The following RSF1 variants were observed in gnomAD, a reference collection of about 807,000 sequenced individuals.
RSF1 encodes the protein remodeling and spacing factor 1, also known as HBV pX-associated protein 8.
Under a neutral mutation model 145.2 loss-of-function variants are expected in RSF1, and 13 were observed. That is an observed-to-expected ratio of 0.09 (90% CI 0.06 to 0.14). RSF1 has a LOEUF of 0.14. Ranked by LOEUF, RSF1 falls within the 10% of genes least tolerant of loss-of-function variation. The pLI, the probability that RSF1 is intolerant of heterozygous loss-of-function variation, is 1.00. For synonymous variants in RSF1, 577 were observed against 592.6 expected (o/e 0.97, Z 0.38); for missense variants, 1,517 against 1,718.2 (o/e 0.88, Z 2.07).
intron 1 of RSF1, among the ~76,000 whole-genome samples, chr11:77,789,542 C>T (rs535868383): frequency 2.0e-5 from 3 of 152,240 alleles, no homozygotes; most frequent in Non-Finnish European, 2.9e-5. Context: ...ACAGCTGAGG[C>T]GCGAGCACCC....
At chr11:77,858,555 T>C in the RSF1 span, among the ~76,000 whole-genome samples, 1 of 152,122 alleles carries the variant, frequency 6.6e-6, no homozygotes, top group South Asian at 2.1e-4. Context: ...AAGGTGGATG[T>C]GGTCACCTTC....
Position 77,735,015 on chromosome 11 carries a change from C to G in RSF1, c.578+5716G>C, listed in dbSNP as rs1042244704. The G allele has an allele frequency of 2.5e-6, 4 of 1,576,822 alleles. No homozygotes were observed. The Admixed American group carries it at 6.7e-5, about 26-fold the overall frequency. On this transcript the variant is annotated intron_variant, in intron 4 of 15. Coordinates refer to ENST00000308488, the MANE Select transcript of RSF1 (RefSeq NM_016578.4). ...AGTTCTGGCGCACCTGTGAGGTGGA[C>G]GTGGTCCTCATGGCGGCGACTAAGG...
chr11:77,758,670 A>C (rs1280363804), intron 2 of RSF1, among the ~76,000 whole-genome samples: 5 of 152,216 alleles, frequency 3.3e-5, no homozygotes, highest in Non-Finnish European at 5.9e-5. Flanking sequence ...TACGGTTTTG[A>C]ATCACATTTC....
intron 1 of RSF1, among the ~76,000 whole-genome samples, chr11:77,786,262 T>C (rs1460119175): frequency 6.6e-6 from 1 of 152,170 alleles, no homozygotes; most frequent in Non-Finnish European, 1.5e-5. Flanking sequence ...AGAGATTTAG[T>C]CTACCAAACT....
chr11:77,730,019 T>C (rs766914887), intron 4 of RSF1, among the ~76,000 whole-genome samples: 10 of 151,718 alleles, frequency 6.6e-5, no homozygotes, highest in Non-Finnish European at 1.5e-4. Flanking sequence ...GAGCACTATG[T>C]TCCAAGCATT....
At chr11:77,674,977 C>A in intron 14 of RSF1, 59 bp downstream of exon 14, 1 of 1,398,512 alleles carries the variant, frequency 7.2e-7, no homozygotes, top group South Asian at 1.4e-5. Flanking sequence ...CCAGCATGAG[C>A]AACAAGAAAA....
intron 14 of RSF1, among the ~76,000 whole-genome samples, chr11:77,672,592 A>G (rs1257026262): frequency 1.3e-5 from 2 of 152,076 alleles, no homozygotes; most frequent in African/African-American, 4.8e-5. Flanking sequence ...AAAAAAAAAA[A>G]ATGACTCAAT....
At chr11:77,692,771 G>A (rs548956152) in intron 8 of RSF1, among the ~76,000 whole-genome samples, 15 of 151,374 alleles carry the variant, frequency 9.9e-5, no homozygotes, top group South Asian at 4.2e-4. Context: ...TCTGTCTCCC[G>A]GGTTCAATCG....
chr11:77,665,778 A>C lies in RSF1; in HGVS notation c.*1139T>G, dbSNP rs1276850959. On this transcript the variant is annotated 3_prime_UTR_variant, in exon 16 of 16. Transcript: ENST00000308488. ...CCAACACACACACACACGCACACGC[A>C]CACACACAAACACACACACACGCTA... 9.7e-6 allele frequency: 1 copy of C among 103,596 alleles called. No homozygotes were observed. The highest frequency in any genetic ancestry group is 1.8e-5 in the Non-Finnish European group (1 of 55,028). 6.4% of individuals were successfully genotyped at this position (103,596 alleles called of 1,614,324 possible). A position where few individuals can be genotyped will look rare whatever the true frequency, so the allele number is the denominator to read the frequency against.
the RSF1 span, among the ~76,000 whole-genome samples, chr11:77,832,728 G>T: frequency 4.6e-5 from 7 of 150,622 alleles, no homozygotes; most frequent in Admixed American, 4.6e-4. Context: ...CTACTCCCCA[G>T]TTTTCCCCAT....
At position 77,690,827 on chromosome 11, in the gene RSF1, T is replaced by G. The variant is rs575731898; in HGVS notation, c.2900+332A>C. ...TAAGGTCTCTGTTCCAACTACTCAATGCTGCTGTCACAGGGCAAAAGTAGC... is the reference window on the plus strand; with the variant it reads ...TAAGGTCTCTGTTCCAACTACTCAAGGCTGCTGTCACAGGGCAAAAGTAGC... On this transcript the variant is annotated intron_variant, in intron 9 of 15. Coordinates refer to ENST00000308488, the MANE Select transcript of RSF1 (RefSeq NM_016578.4). 7 of 274,802 alleles carry G rather than the reference T, an allele frequency of 2.5e-5. No homozygotes were observed. The South Asian group carries it at 4.3e-4, about 17-fold the overall frequency. 17.0% of individuals were successfully genotyped at this position (274,802 alleles called of 1,614,324 possible).
chr11:77,819,492 G>A (rs1190211535), intron 1 of RSF1, among the ~76,000 whole-genome samples: 1 of 152,244 alleles, frequency 6.6e-6, no homozygotes, highest in Non-Finnish European at 1.5e-5. Flanking sequence ...GGGCCGGGCA[G>A]AGCATGCGCC....
chr11:77,820,822 T>C, upstream of RSF1: 1 of 1,158,350 alleles, frequency 8.6e-7, no homozygotes, highest in Non-Finnish European at 1.2e-6. Context: ...TCAAGTGGGC[T>C]CCTCTGCGGA....
In RSF1 at chr11:77,691,251, A is replaced by C; in HGVS notation, c.2821-13T>G. On this transcript the variant is annotated splice_polypyrimidine_tract_variant and intron_variant, in intron 8 of 15. Coordinates refer to ENST00000308488, the MANE Select transcript of RSF1 (RefSeq NM_016578.4). ...CACAGAGCAGTTTCTGAAGAAGCAA[A>C]ATAGATAAAAGTCATTTTAAACAAC... 1 of 1,612,510 alleles carries C rather than the reference A, an allele frequency of 6.2e-7. No homozygotes were observed. Among genetic ancestry groups the C allele is most frequent in the Non-Finnish European group, 8.5e-7 (1 of 1,178,646 alleles).
At chr11:77,740,485 G>A (rs531225766) in intron 4 of RSF1, among the ~76,000 whole-genome samples, 1 of 152,140 alleles carries the variant, frequency 6.6e-6, no homozygotes, top group African/African-American at 2.4e-5. Context: ...TCAGATTCTG[G>A]CTTCCTGATG....
At chr11:77,801,217 CAGG>C (rs1948623377) in intron 1 of RSF1, among the ~76,000 whole-genome samples, 1 of 151,946 alleles carries the variant, frequency 6.6e-6, no homozygotes, top group Non-Finnish European at 1.5e-5. Context: ...CACCTGAGGT[CAGG>C]AGTTTTGAGA....
intron 5 of RSF1, among the ~76,000 whole-genome samples, chr11:77,720,179 T>C (rs1960911474): frequency 6.6e-6 from 1 of 152,224 alleles, no homozygotes; most frequent in African/African-American, 2.4e-5. Flanking sequence ...AAATTAGGTC[T>C]GTGAGCTGCC....
chr11:77,857,703 T>G, the RSF1 span, among the ~76,000 whole-genome samples: 1 of 151,558 alleles, frequency 6.6e-6, no homozygotes, highest in Non-Finnish European at 1.5e-5. Flanking sequence ...TAAGTTGTTT[T>G]TTTTTTTTTT....
chr11:77,869,306 C>CTCTTTTTTTTTTTTT, the RSF1 span: 1 of 120,372 alleles, frequency 8.3e-6, no homozygotes. Context: ...TTATTTATCT[C>CTCTTTTTTTTTTTTT]TTTTTCTTTT....
Sources: gnomAD v4.1 joint callset for allele counts (sites outside exome capture counted in the v4.1 genomes callset) on GRCh38, gnomAD v4.1.1 for gene constraint, MANE v1.5 for transcripts, NCBI Gene and HGNC (gene_info 2026-07-23, HGNC 2026-07-21) for gene names.